KCNIP4: variants seen among roughly 807,000 people sequenced by gnomAD.
KCNIP4 encodes Kv channel-interacting protein 4.
KCNIP4 carries 12 observed loss-of-function variants against 34.0 expected under a neutral mutation model. That is an observed-to-expected ratio of 0.35 (90% CI 0.23 to 0.57). The LOEUF (loss-of-function observed/expected upper bound fraction) is 0.57, where lower values mean the gene tolerates loss of function less well. KCNIP4 is among the 20% of genes least tolerant of loss of function. The pLI, the probability that KCNIP4 is intolerant of heterozygous loss-of-function variation, is 0.83. For synonymous variants in KCNIP4, 124 were observed against 102.2 expected (o/e 1.21, Z -1.29); for missense variants, 238 against 311.7 (o/e 0.76, Z 1.78).
intron 1 of KCNIP4, among the ~76,000 whole-genome samples, chr4:21,323,154 A>T: frequency 1.2e-5 from 1 of 80,828 alleles, no homozygotes; most frequent in South Asian, 4.1e-4. Flanking sequence ...GTATATATAT[A>T]TATATATATG....
At chr4:21,725,911 A>G (rs1715162312) in intron 1 of KCNIP4, among the ~76,000 whole-genome samples, 2 of 152,208 alleles carry the variant, frequency 1.3e-5, no homozygotes, top group African/African-American at 4.8e-5. Flanking sequence ...CACTCTAAAA[A>G]GAAGAAAATA....
At chr4:21,818,634 G>GCACAGATATAGAACATTTTCATAAC (rs1722137038) in intron 1 of KCNIP4, among the ~76,000 whole-genome samples, 1 of 152,212 alleles carries the variant, frequency 6.6e-6, no homozygotes, top group Admixed American at 6.5e-5. Context: ...ATATTGGATA[G>GCACAGATATAGAACATTTTCATAAC]CACAGATATA....
At chr4:21,926,868 C>T (rs1729277034) in intron 1 of KCNIP4, among the ~76,000 whole-genome samples, 1 of 151,994 alleles carries the variant, frequency 6.6e-6, no homozygotes, top group Admixed American at 6.6e-5. Flanking sequence ...AACAGATAAC[C>T]CTGTGGCCAG....
At chr4:20,793,696 T>TTGA (rs1560468829) in intron 3 of KCNIP4, among the ~76,000 whole-genome samples, 1 of 152,042 alleles carries the variant, frequency 6.6e-6, no homozygotes, top group African/African-American at 2.4e-5. Context: ...CATTGTAATA[T>TTGA]ATAATGAAAT....
chr4:21,008,039 C>A (rs1738723396), intron 1 of KCNIP4, among the ~76,000 whole-genome samples: 1 of 152,146 alleles, frequency 6.6e-6, no homozygotes, highest in African/African-American at 2.4e-5. Context: ...GATTAAAAAC[C>A]TGGTTAAGCA....
At chr4:20,903,105 T>C (rs544488987) in intron 1 of KCNIP4, among the ~76,000 whole-genome samples, 14 of 152,294 alleles carry the variant, frequency 9.2e-5, no homozygotes, top group African/African-American at 2.9e-4. Flanking sequence ...TGTTTCAGCA[T>C]GCAGAATCAT....
chr4:21,570,943 G>A lies in KCNIP4; in HGVS notation c.61+377628C>T, dbSNP rs539786664. Among the ~76,000 whole-genome samples, 7 of 152,154 alleles carry A rather than the reference G, an allele frequency of 4.6e-5. No homozygotes were observed. The South Asian group carries it at 6.2e-4, about 14-fold the overall frequency. On this transcript the variant is annotated intron_variant, in intron 1 of 8. Transcript: ENST00000382152. Reference sequence around the variant, plus strand: ...CTTTTGGTCAAAGTCATATTGGTTCGACGTGGTTGAACCTGGATTCAAACT... The same window carrying A: ...CTTTTGGTCAAAGTCATATTGGTTCAACGTGGTTGAACCTGGATTCAAACT...
chr4:21,354,481 A>AAG (rs200600214), intron 1 of KCNIP4, among the ~76,000 whole-genome samples: 8,227 of 152,264 alleles, frequency 0.054, 268 homozygotes, highest in South Asian at 0.092. Context: ...AAAGCAAAAA[A>AAG]AGCATGGGTT....
chr4:21,593,074 T>C (rs578174736), intron 1 of KCNIP4, among the ~76,000 whole-genome samples: 2 of 151,708 alleles, frequency 1.3e-5, no homozygotes, highest in Admixed American at 6.6e-5. Context: ...AAATGCTGCA[T>C]TGCATATATT....
chr4:21,442,193 A>G (rs1727541608), intron 1 of KCNIP4, among the ~76,000 whole-genome samples: 1 of 152,174 alleles, frequency 6.6e-6, no homozygotes. Flanking sequence ...AGGGTACCAT[A>G]GACATCTTCC....
chr4:21,702,990 CA>C (rs11336169), intron 1 of KCNIP4, among the ~76,000 whole-genome samples: 104,353 of 150,824 alleles, frequency 0.69, 37,879 homozygotes, highest in African/African-American at 0.91. Context: ...AGGCCCCCCA[CA>C]AAAAAAAATC....
intron 1 of KCNIP4, among the ~76,000 whole-genome samples, chr4:21,088,436 C>T (rs907720198): frequency 6.6e-6 from 1 of 152,082 alleles, no homozygotes; most frequent in African/African-American, 2.4e-5. Flanking sequence ...CATTCTTGCC[C>T]TTCATTTCTC....
chr4:20,981,107 C>A (rs992078837), intron 1 of KCNIP4, among the ~76,000 whole-genome samples: 1 of 152,156 alleles, frequency 6.6e-6, no homozygotes, highest in Non-Finnish European at 1.5e-5. Flanking sequence ...GAGGTGTCAC[C>A]TTCTCATTGG....
chr4:21,089,762 C>G (rs939994037), intron 1 of KCNIP4, among the ~76,000 whole-genome samples: 2 of 152,080 alleles, frequency 1.3e-5, no homozygotes, highest in African/African-American at 2.4e-5. Flanking sequence ...ATTCTCCTAA[C>G]TAGTATCTTC....
chr4:21,515,635 T>TA (rs11463714), intron 1 of KCNIP4, among the ~76,000 whole-genome samples: 48,744 of 151,448 alleles, frequency 0.32, 8,181 homozygotes, highest in South Asian at 0.46. Flanking sequence ...AGACTCCGTC[T>TA]AAAAAAAAGA....
chr4:20,829,757 ACT>A (rs1239081445), intron 3 of KCNIP4, among the ~76,000 whole-genome samples: 1 of 151,432 alleles, frequency 6.6e-6, no homozygotes, highest in Non-Finnish European at 1.5e-5. Flanking sequence ...CATTCCTCTC[ACT>A]CTGCTCTGTC....
chr4:21,763,117 C>T (rs1560695885), intron 1 of KCNIP4: 1 of 1,286,616 alleles, frequency 7.8e-7, no homozygotes, highest in Admixed American at 2.3e-5. Flanking sequence ...AGCACAGGTT[C>T]ACCAGACAAT....
At chr4:20,874,094 C>G (rs977779922) in intron 2 of KCNIP4, among the ~76,000 whole-genome samples, 3 of 152,108 alleles carry the variant, frequency 2.0e-5, no homozygotes, top group African/African-American at 7.2e-5. Flanking sequence ...CATGTATTAG[C>G]CAGTAACTGT....
chr4:21,200,316 ATATATGTGTG>A (rs376837444), intron 1 of KCNIP4, among the ~76,000 whole-genome samples: 14,727 of 119,594 alleles, frequency 0.12, 3,139 homozygotes, highest in African/African-American at 0.42. Flanking sequence ...ATATACATAC[ATATATGTGTG>A]TATATATATA....
Sources: allele counts gnomAD v4.1 joint callset (sites outside exome capture counted in the v4.1 genomes callset), GRCh38; gene constraint gnomAD v4.1.1; transcripts MANE v1.5; gene names NCBI Gene and HGNC (gene_info 2026-07-23, HGNC 2026-07-21).